Variants in FAM184A observed in about 807,000 individuals in gnomAD.
The protein encoded by FAM184A is family with sequence similarity 184 member A.
Under a neutral mutation model 143.8 loss-of-function variants are expected in FAM184A, and 99 were observed. That is an observed-to-expected ratio of 0.69 (90% confidence interval 0.58 to 0.81). The LOEUF (loss-of-function observed/expected upper bound fraction) is 0.81, where lower values mean the gene tolerates loss of function less well. FAM184A is among the 40% of genes least tolerant of loss of function. The pLI, the probability that FAM184A is intolerant of heterozygous loss-of-function variation, is 0.00. For synonymous variants in FAM184A, 427 were observed against 446.4 expected (o/e 0.96, Z 0.55); for missense variants, 1,217 against 1,310.5 (o/e 0.93, Z 1.10).
chr6:118,984,441 G>T (rs958423263), intron 9 of FAM184A, among the ~76,000 whole-genome samples: 10 of 151,670 alleles, frequency 6.6e-5, no homozygotes, highest in Non-Finnish European at 1.3e-4. Context: ...GTGTCTAAAA[G>T]TGCTGGGATT....
intron 1 of FAM184A, among the ~76,000 whole-genome samples, chr6:119,137,847 T>G (rs1341143776): frequency 1.3e-5 from 2 of 152,206 alleles, no homozygotes; most frequent in South Asian, 4.1e-4. Flanking sequence ...ATTACTATTC[T>G]GTAGTTCAGC....
chr6:119,016,895 A>G lies in FAM184A; in HGVS notation c.1382T>C (p.Leu461Pro). ...RTQQEYYERE[L>P]KNLQSRLEEE... ...TTCCAATCTACTTTGCAGGTTTTTA[A>G]GTTCCCTTTCATAATATTCTTGCTG... is the stretch of plus-strand genomic sequence containing the variant. The change falls in exon 5 of 18, where the codon CTT (leucine) becomes CCT (proline). Residue 461 changes from leucine to proline, a missense_variant. Coordinates refer to ENST00000338891, the MANE Select transcript of FAM184A (RefSeq NM_024581.6). 6.2e-7 allele frequency: 1 copy of G among 1,613,798 alleles called. No homozygotes were observed. Among genetic ancestry groups the G allele is most frequent in the Non-Finnish European group, 8.5e-7 (1 of 1,179,848 alleles).
intron 1 of FAM184A, among the ~76,000 whole-genome samples, chr6:119,131,741 C>G (rs548185577): frequency 3.9e-5 from 6 of 152,074 alleles, no homozygotes; most frequent in African/African-American, 7.3e-5. Flanking sequence ...ACCCAGCCCC[C>G]CAAAGTATTG....
intron 1 of FAM184A, among the ~76,000 whole-genome samples, chr6:119,142,357 A>G (rs1029112261): frequency 6.6e-6 from 1 of 152,220 alleles, no homozygotes; most frequent in Non-Finnish European, 1.5e-5. Context: ...GGATAACGCA[A>G]TGCAGCAGAG....
chr6:119,060,170 A>C (rs909168900), intron 1 of FAM184A, among the ~76,000 whole-genome samples: 8 of 152,172 alleles, frequency 5.3e-5, no homozygotes, highest in African/African-American at 1.7e-4. Context: ...AGCCTAGATG[A>C]CCGTGTCATC....
At chr6:119,145,877 T>A (rs1031363114) in intron 1 of FAM184A, among the ~76,000 whole-genome samples, 3 of 152,232 alleles carry the variant, frequency 2.0e-5, no homozygotes, top group Admixed American at 2.0e-4. Flanking sequence ...AGCAAAAACA[T>A]GATTTTTACA....
intron 1 of FAM184A, among the ~76,000 whole-genome samples, chr6:119,074,207 C>A (rs891012053): frequency 6.6e-6 from 1 of 152,224 alleles, no homozygotes; most frequent in Non-Finnish European, 1.5e-5. Flanking sequence ...CTCCTCTTTA[C>A]TCTTTTCACT....
intron 15 of FAM184A, among the ~76,000 whole-genome samples, chr6:118,965,726 G>C (rs1400033457): frequency 6.6e-6 from 1 of 152,150 alleles, no homozygotes; most frequent in East Asian, 1.9e-4. Context: ...TACAATCCTG[G>C]CTCTTCCCTG....
At position 119,020,068 on chromosome 6, in the gene FAM184A, T is replaced by A. The variant is rs756557324; in HGVS notation, c.1242A>T (p.Leu414Phe). 2 of 1,609,788 alleles carry A rather than the reference T, an allele frequency of 1.2e-6. No individual in the cohort carries two copies. Among genetic ancestry groups the A allele is most frequent in the Admixed American group, 3.4e-5 (2 of 59,064 alleles). ...AAGCTCTTTCCTCTTCAAGTTGAGA[T>A]AATCTCTCATTGACTCTCGATTTTT... is the stretch of plus-strand genomic sequence containing the variant. ...ESEKSRVNER[L>F]SQLEEERAFL... is the part of the protein sequence containing the mutation. The change falls in exon 4 of 18, where the codon TTA (leucine) becomes TTT (phenylalanine). Residue 414 changes from leucine to phenylalanine, a missense_variant. By Grantham distance (22) the Leu-to-Phe change is conservative. Coordinates refer to ENST00000338891, the MANE Select transcript of FAM184A (RefSeq NM_024581.6).
chr6:119,049,339 T>G (rs777783272), intron 1 of FAM184A, among the ~76,000 whole-genome samples: 8 of 152,138 alleles, frequency 5.3e-5, no homozygotes, highest in Non-Finnish European at 1.0e-4. Flanking sequence ...TCCCAGCTAC[T>G]TGGGAGGCTG....
chr6:119,065,685 C>T (rs1274931096), intron 1 of FAM184A, among the ~76,000 whole-genome samples: 1 of 152,248 alleles, frequency 6.6e-6, no homozygotes, highest in South Asian at 2.1e-4. Context: ...AAAGTGCTGC[C>T]AAATTTATCT....
In FAM184A at chr6:118,961,970, T is replaced by G; in HGVS notation, c.3139-7A>C. ...TATCATTCTTCTTCTTTTGCTGCAT[T>G]AAAAATAATACATGTGAGGATAGTC... On this transcript the variant is annotated splice_region_variant and splice_polypyrimidine_tract_variant and intron_variant, in intron 16 of 17. Coordinates refer to ENST00000338891, the MANE Select transcript of FAM184A (RefSeq NM_024581.6). 6.2e-7 allele frequency: 1 copy of G among 1,611,496 alleles called. No homozygotes were observed. The highest frequency in any genetic ancestry group is 8.5e-7 in the Non-Finnish European group (1 of 1,177,756).
At chr6:118,995,599 T>C (rs1784522004) in intron 9 of FAM184A, among the ~76,000 whole-genome samples, 1 of 152,114 alleles carries the variant, frequency 6.6e-6, no homozygotes, top group African/African-American at 2.4e-5. Context: ...AAACAAAAAG[T>C]CACAAACTGT....
chr6:119,016,683 CG>C (rs1785267228), intron 5 of FAM184A, 63 bp downstream of exon 5: 1 of 1,416,988 alleles, frequency 7.1e-7, no homozygotes, highest in Non-Finnish European at 9.9e-7. Context: ...CCACCAATTC[CG>C]GACACACTAC....
chr6:119,139,812 T>C (rs1307021033), intron 1 of FAM184A, among the ~76,000 whole-genome samples: 2 of 152,238 alleles, frequency 1.3e-5, no homozygotes, highest in African/African-American at 4.8e-5. Context: ...CACGTCCTCT[T>C]TTTTTTCCTT....
chr6:118,960,891 TA>T (rs757111290), intron 17 of FAM184A: 8 of 1,203,852 alleles, frequency 6.6e-6, no homozygotes, highest in Middle Eastern at 2.3e-4. Flanking sequence ...CAAGGGAAAA[TA>T]AGCAACACAA....
At chr6:119,022,045 C>T (rs1233998302) in intron 3 of FAM184A, among the ~76,000 whole-genome samples, 9 of 136,962 alleles carry the variant, frequency 6.6e-5, no homozygotes, top group African/African-American at 2.4e-4. Flanking sequence ...CTTCATTTTT[C>T]GTTCTTTCTT....
At chr6:119,102,683 A>G (rs1260019321) in intron 1 of FAM184A, among the ~76,000 whole-genome samples, 1 of 143,742 alleles carries the variant, frequency 7.0e-6, no homozygotes, top group Non-Finnish European at 1.5e-5. Context: ...CCAGCTACTC[A>G]GGAGGCTGAG....
Position 118,964,649 on chromosome 6 carries a change from A to T in FAM184A, c.3138+18T>A. 1 of 1,367,332 alleles carries T rather than the reference A, an allele frequency of 7.3e-7. No homozygotes were observed. Among genetic ancestry groups the T allele is most frequent in the Non-Finnish European group, 1.0e-6 (1 of 970,206 alleles). The allele number at this position is 1,367,332 out of a possible 1,614,324, so 84.7% of individuals were successfully genotyped here. A position where few individuals can be genotyped will look rare whatever the true frequency, so the allele number is the denominator to read the frequency against. On this transcript the variant is annotated intron_variant, in intron 16 of 17. Coordinates refer to ENST00000338891, the MANE Select transcript of FAM184A (RefSeq NM_024581.6). Reference sequence around the variant, plus strand: ...CTTTTAAACCACATTCCTATTCTACAGTGTTTACGGCACATACCTTAGCCA... The same window carrying T: ...CTTTTAAACCACATTCCTATTCTACTGTGTTTACGGCACATACCTTAGCCA...
Sources: gnomAD v4.1 joint callset for allele counts (sites outside exome capture counted in the v4.1 genomes callset) on GRCh38, gnomAD v4.1.1 for gene constraint, MANE v1.5 for transcripts, NCBI Gene and HGNC (gene_info 2026-07-23, HGNC 2026-07-21) for gene names.